Variants in ARAP2 observed in about 807,000 individuals in gnomAD.
ARAP2 encodes ArfGAP with RhoGAP domain, ankyrin repeat and PH domain 2.
ARAP2 carries 148 observed loss-of-function variants against 194.5 expected under a neutral mutation model. The observed-to-expected ratio is 0.76, with a 90% CI of 0.67 to 0.87. ARAP2 has a LOEUF of 0.87. ARAP2 is among the 40% of genes least tolerant of loss of function. The pLI is 0.00. For synonymous variants in ARAP2, 695 were observed against 683.5 expected, an observed-to-expected ratio of 1.02 and a Z score of -0.26; for missense variants, 2,128 against 1,989.7, an observed-to-expected ratio of 1.07 and a Z score of -1.32.
At position 36,067,871 on chromosome 4, in the gene ARAP2, TA is replaced by T. The variant is rs1401711660; in HGVS notation, c.*35del. On this transcript the variant is annotated 3_prime_UTR_variant, in exon 33 of 33. Coordinates refer to ENST00000303965, the MANE Select transcript of ARAP2 (RefSeq NM_015230.4). ...TACACATAAAGATTGCATACAATAT[TA>T]AAAAAATAATCTGGGGAGCAATTCA... 8 of 1,528,798 alleles carry T rather than the reference TA, an allele frequency of 5.2e-6. No homozygotes were observed. Among genetic ancestry groups the T allele is most frequent in the Non-Finnish European group, 6.1e-6 (7 of 1,138,638 alleles). 94.7% of individuals were successfully genotyped at this position (1,528,798 alleles called of 1,614,324 possible).
intron 19 of ARAP2, among the ~76,000 whole-genome samples, chr4:36,142,172 A>G (rs918184836): frequency 1.3e-5 from 2 of 151,704 alleles, no homozygotes; most frequent in Admixed American, 6.6e-5. Flanking sequence ...ATTGACTGGT[A>G]TCTCTCTCAA....
chr4:36,146,377 T>A (rs1560526509), intron 19 of ARAP2, among the ~76,000 whole-genome samples: 2 of 152,120 alleles, frequency 1.3e-5, no homozygotes, highest in South Asian at 4.2e-4. Flanking sequence ...CTTCCCATCA[T>A]ATTTTGATTA....
chr4:36,214,627 G>T, intron 2 of ARAP2, 147 bp from the exon 3 acceptor site: 1 of 447,162 alleles, frequency 2.2e-6, no homozygotes, highest in Non-Finnish European at 3.6e-6. Context: ...CATTCTTTTG[G>T]GTAGAAAAAA....
intron 20 of ARAP2, among the ~76,000 whole-genome samples, chr4:36,131,966 G>A (rs886662357): frequency 1.3e-5 from 2 of 151,652 alleles, no homozygotes; most frequent in Non-Finnish European, 2.9e-5. Flanking sequence ...TATTTTTTCA[G>A]TAGATATATA....
intron 16 of ARAP2, among the ~76,000 whole-genome samples, chr4:36,149,997 T>C (rs1476812673): frequency 6.6e-6 from 1 of 152,138 alleles, no homozygotes; most frequent in African/African-American, 2.4e-5. Context: ...GATAAGACAC[T>C]TTCACACCAA....
chr4:36,213,283 T>C lies in ARAP2; in HGVS notation c.1001A>G (p.Tyr334Cys), dbSNP rs1747164364. The C allele has an allele frequency of 6.2e-7, 1 of 1,608,278 alleles. No homozygotes were observed. Among genetic ancestry groups the C allele is most frequent in the African/African-American group, 1.3e-5 (1 of 74,740 alleles). ...TCTCTGGAAGAGAAAGGTCTCTCCA[T>C]AAGGAAAGATGGAAGATGAATTCTC... Reference protein sequence around the residue: ...NEENSSSIFPYGETFLFQRLE... With the variant: ...NEENSSSIFPCGETFLFQRLE... Residue 334 changes from tyrosine (Y) to cysteine (C), a missense_variant, in exon 4 of 33, where the codon TAT becomes TGT. Coordinates refer to ENST00000303965, the MANE Select transcript of ARAP2 (RefSeq NM_015230.4).
chr4:36,210,362 C>T, intron 6 of ARAP2, 28 bp downstream of exon 6: 1 of 1,541,828 alleles, frequency 6.5e-7, no homozygotes, highest in Non-Finnish European at 8.7e-7. Context: ...AAATATGCCA[C>T]TTATGAAATA....
rs905352072 is a variant in ARAP2, at chr4:36,080,414, G to C, written c.4545-135C>G. On this transcript the variant is annotated intron_variant, in intron 30 of 32. Coordinates refer to ENST00000303965, the MANE Select transcript of ARAP2 (RefSeq NM_015230.4). ...ATGACGTAATGCAATCACAAAAGTG[G>C]AACATTTCAGTACAAGTTGTTTTGG... 4.6e-6 allele frequency: 3 copies of C among 657,948 alleles called. No homozygotes were observed. In the African/African-American group the frequency reaches 5.5e-5, roughly 12 times the overall value. The allele number at this position is 657,948 out of a possible 1,614,324, so 40.8% of individuals were successfully genotyped here. A position where few individuals can be genotyped will look rare whatever the true frequency, so the allele number is the denominator to read the frequency against.
At chr4:36,163,168 G>A (rs1204664924) in intron 11 of ARAP2, among the ~76,000 whole-genome samples, 1 of 151,908 alleles carries the variant, frequency 6.6e-6, no homozygotes, top group African/African-American at 2.4e-5. Context: ...ATATCACTCA[G>A]GAGCAACACA....
At chr4:36,014,591 C>T (rs1390925180) in intron 8 of ARAP2, among the ~76,000 whole-genome samples, 1 of 151,932 alleles carries the variant, frequency 6.6e-6, no homozygotes, top group Non-Finnish European at 1.5e-5. Flanking sequence ...ATTATAATAC[C>T]AAAATCAGAA....
At position 36,066,793 on chromosome 4, in the gene ARAP2, A is replaced by G. The variant is rs1349859840; in HGVS notation, c.*1114T>C. On this transcript the variant is annotated 3_prime_UTR_variant, in exon 33 of 33. Transcript: ENST00000303965. ...GGGAAGAGACCACACCTTTACTTAA[A>G]AAAAGAAAAAAAAACCTAGATTAAA... is the stretch of plus-strand genomic sequence containing the variant. 3 of 151,984 alleles carry G rather than the reference A, an allele frequency of 2.0e-5. No homozygotes were observed. Among genetic ancestry groups the G allele is most frequent in the Non-Finnish European group, 2.9e-5 (2 of 68,024 alleles). The allele number at this position is 151,984 out of a possible 1,614,324, so 9.4% of individuals were successfully genotyped here. A position where few individuals can be genotyped will look rare whatever the true frequency, so the allele number is the denominator to read the frequency against.
intron 1 of ARAP2, among the ~76,000 whole-genome samples, chr4:36,230,826 C>T (rs534097161): frequency 4.6e-5 from 7 of 152,304 alleles, no homozygotes; most frequent in East Asian, 1.9e-4. Context: ...ATATGCCACA[C>T]GCCAACTGCC....
At position 36,240,402 on chromosome 4, in the gene ARAP2, C is replaced by T. The variant is rs111779446; in HGVS notation, c.-160+3777G>A. On this transcript the variant is annotated intron_variant, in intron 1 of 32. Transcript: ENST00000303965. Reference sequence around the variant, plus strand: ...TAACATAGTTTTATTAATGTAGTAACGTATACATGTAGTTAGAGTTGTAAG... The same window carrying T: ...TAACATAGTTTTATTAATGTAGTAATGTATACATGTAGTTAGAGTTGTAAG... Among the ~76,000 whole-genome samples the T allele has an allele frequency of 1.4e-3, 219 of 152,250 alleles. 1 individual carries two copies. Among genetic ancestry groups the T allele is most frequent in the Middle Eastern group, 3.4e-3 (1 of 294 alleles).
chr4:36,194,125 G>A (rs1180581668), intron 6 of ARAP2, among the ~76,000 whole-genome samples: 1 of 152,036 alleles, frequency 6.6e-6, no homozygotes, highest in Admixed American at 6.5e-5. Flanking sequence ...TGATTAAGCT[G>A]AAAAAGACCT....
intron 8 of ARAP2, among the ~76,000 whole-genome samples, chr4:36,179,337 A>G (rs936210713): frequency 1.3e-5 from 2 of 152,198 alleles, no homozygotes; most frequent in Non-Finnish European, 2.9e-5. Context: ...AGAAAAACAA[A>G]TTACTCAGAA....
chr4:36,158,360 A>G (rs1452318546), intron 15 of ARAP2, among the ~76,000 whole-genome samples: 2 of 152,208 alleles, frequency 1.3e-5, no homozygotes, highest in African/African-American at 2.4e-5. Context: ...TATGTACTAA[A>G]AACCTGCATT....
chr4:36,162,139 AAT>A (rs10600105), intron 11 of ARAP2, among the ~76,000 whole-genome samples: 119,822 of 146,780 alleles, frequency 0.82, 48,837 homozygotes, highest in East Asian at 0.91. Context: ...CACTTACTTA[AAT>A]ATATATATAT....
chr4:36,209,003 G>A (rs1160628773), intron 6 of ARAP2, among the ~76,000 whole-genome samples: 1 of 152,042 alleles, frequency 6.6e-6, no homozygotes, highest in Non-Finnish European at 1.5e-5. Flanking sequence ...TCCCAGAGGT[G>A]GCCAACAATA....
intron 1 of ARAP2, among the ~76,000 whole-genome samples, chr4:36,233,040 C>G (rs913212352): frequency 6.6e-6 from 1 of 152,144 alleles, no homozygotes; most frequent in Non-Finnish European, 1.5e-5. Flanking sequence ...GAATCTGATT[C>G]CTTTTCATGC....
Sources: gnomAD v4.1 joint callset for allele counts (sites outside exome capture counted in the v4.1 genomes callset) on GRCh38, gnomAD v4.1.1 for gene constraint, MANE v1.5 for transcripts, NCBI Gene and HGNC (gene_info 2026-07-23, HGNC 2026-07-21) for gene names.